Variants in KDM1A observed in about 807,000 individuals in gnomAD.
KDM1A encodes the protein lysine-specific histone demethylase 1A.
In KDM1A, 49 loss-of-function variants were observed where a neutral mutation model predicts 109.4. That is an observed-to-expected ratio of 0.45 (90% CI 0.36 to 0.57). The LOEUF (loss-of-function observed/expected upper bound fraction) is 0.57, where lower values mean the gene tolerates loss of function less well. Among genes scored for constraint, KDM1A ranks in the 20% least tolerant of loss-of-function variants. The pLI, the probability that KDM1A is intolerant of heterozygous loss-of-function variation, is 0.00. For synonymous variants in KDM1A, 380 were observed against 415.4 expected, an observed-to-expected ratio of 0.91 and a Z score of 1.04; for missense variants, 668 against 1,116.6, an observed-to-expected ratio of 0.60 and a Z score of 5.73.
intron 18 of KDM1A, chr1:23,081,055 C>T (rs1273384449): frequency 1.1e-5 from 2 of 178,762 alleles, no homozygotes; most frequent in East Asian, 3.1e-4. Flanking sequence ...CCTGGGATGG[C>T]TAAAAGGGAT....
intron 2 of KDM1A, among the ~76,000 whole-genome samples, chr1:23,041,888 A>G (rs1363007786): frequency 6.6e-6 from 1 of 152,038 alleles, no homozygotes; most frequent in Non-Finnish European, 1.5e-5. Flanking sequence ...TTTCTTCAAA[A>G]CCAGAAGACA....
At chr1:23,041,389 C>T (rs1239880481) in intron 2 of KDM1A, among the ~76,000 whole-genome samples, 1 of 131,124 alleles carries the variant, frequency 7.6e-6, no homozygotes. Flanking sequence ...TGCTTGGTTT[C>T]TTTCTACTCC....
intron 2 of KDM1A, among the ~76,000 whole-genome samples, chr1:23,036,405 A>G (rs1489125062): frequency 1.3e-5 from 2 of 152,020 alleles, no homozygotes; most frequent in African/African-American, 2.4e-5. Context: ...TATGATGCAT[A>G]CATTCAGAAA....
At chr1:23,073,453 T>C (rs750521574) in intron 15 of KDM1A, 50 bp downstream of exon 15, 4 of 975,456 alleles carry the variant, frequency 4.1e-6, no homozygotes, top group South Asian at 1.3e-5. Context: ...TGAGAGGGAT[T>C]GTAAGAGAAA....
intron 18 of KDM1A, 199 bp from the exon 19 acceptor site, chr1:23,081,247 G>C (rs918234360): frequency 1.8e-6 from 1 of 554,880 alleles, no homozygotes; most frequent in Non-Finnish European, 3.1e-6. Flanking sequence ...TAGTCTGCCA[G>C]CTCCTACTGG....
At chr1:23,037,488 A>G (rs1028753876) in intron 2 of KDM1A, among the ~76,000 whole-genome samples, 1 of 152,184 alleles carries the variant, frequency 6.6e-6, no homozygotes, top group African/African-American at 2.4e-5. Context: ...GTATAAATAC[A>G]TTGCAGAATG....
intron 2 of KDM1A, among the ~76,000 whole-genome samples, chr1:23,037,862 T>G (rs1642195232): frequency 6.6e-6 from 1 of 152,248 alleles, no homozygotes; most frequent in Admixed American, 6.5e-5. Flanking sequence ...GTACTTTTTA[T>G]TAAGGCAAAA....
intron 19 of KDM1A, 133 bp downstream of exon 19, chr1:23,081,706 GT>G: frequency 1.8e-6 from 2 of 1,106,322 alleles, no homozygotes; most frequent in Non-Finnish European, 2.6e-6. Context: ...AATAATTAAT[GT>G]TTGGAGTTCA....
intron 1 of KDM1A, among the ~76,000 whole-genome samples, chr1:23,026,001 GA>G (rs1641787957): frequency 6.6e-6 from 1 of 152,116 alleles, no homozygotes; most frequent in African/African-American, 2.4e-5. Flanking sequence ...TGAGGCAGGG[GA>G]ATCACTTGAG....
chr1:23,078,206 C>T (rs2124541687), intron 16 of KDM1A, among the ~76,000 whole-genome samples: 1 of 152,188 alleles, frequency 6.6e-6, no homozygotes, highest in African/African-American at 2.4e-5. Flanking sequence ...TTAATTTTCC[C>T]ATCAGAGGCA....
At chr1:23,042,562 C>T (rs1401969346) in intron 2 of KDM1A, among the ~76,000 whole-genome samples, 36 of 145,206 alleles carry the variant, frequency 2.5e-4, no homozygotes, top group African/African-American at 8.9e-4. Flanking sequence ...ACGCCATTCT[C>T]CTGCCTCAGC....
At chr1:23,034,028 C>CT (rs1300084359) in intron 2 of KDM1A, among the ~76,000 whole-genome samples, 1 of 152,084 alleles carries the variant, frequency 6.6e-6, no homozygotes, top group African/African-American at 2.4e-5. Context: ...TCTGATTGCA[C>CT]TTATATAATT....
At chr1:23,080,608 C>T (rs1383474904) in intron 18 of KDM1A, among the ~76,000 whole-genome samples, 1 of 152,114 alleles carries the variant, frequency 6.6e-6, no homozygotes, top group East Asian at 1.9e-4. Flanking sequence ...CCCCAGATTC[C>T]AGGCACATTC....
chr1:23,051,846 T>G (rs1642679249), intron 4 of KDM1A, among the ~76,000 whole-genome samples: 1 of 152,212 alleles, frequency 6.6e-6, no homozygotes, highest in Admixed American at 6.5e-5. Flanking sequence ...CACTGCTTAA[T>G]TTCGATTGTT....
intron 3 of KDM1A, among the ~76,000 whole-genome samples, chr1:23,047,414 T>A (rs1346147748): frequency 1.3e-5 from 2 of 152,190 alleles, no homozygotes; most frequent in Non-Finnish European, 1.5e-5. Flanking sequence ...AAGATAGAGA[T>A]GGAGAAGAAT....
intron 15 of KDM1A, among the ~76,000 whole-genome samples, chr1:23,073,705 T>C (rs2124524353): frequency 6.6e-6 from 1 of 152,358 alleles, no homozygotes; most frequent in Admixed American, 6.5e-5. Context: ...GTTATCACTG[T>C]AATTTTGTTT....
Position 23,057,551 on chromosome 1 carries a change from T to C in KDM1A, c.1058T>C (p.Val353Ala). The C allele has an allele frequency of 6.2e-7, 1 of 1,613,488 alleles. No homozygotes were observed. The highest frequency in any genetic ancestry group is 8.5e-7 in the Non-Finnish European group (1 of 1,179,504). Residue 353 changes from valine (V) to alanine (A), a missense_variant, in exon 8 of 21, where the codon GTG (valine) becomes GCG (alanine). Coordinates refer to ENST00000400181, the MANE Select transcript of KDM1A (RefSeq NM_001009999.3). Reference sequence around the variant, plus strand: ...TATGTAGCTGATCTTGGAGCCATGGTGGTAACAGGTCTTGGTAAGTAGCTA... The same window carrying C: ...TATGTAGCTGATCTTGGAGCCATGGCGGTAACAGGTCTTGGTAAGTAGCTA... ...GNYVADLGAMVVTGLGGNPMA... is the reference protein window; with the variant it reads ...GNYVADLGAMAVTGLGGNPMA...
In KDM1A at chr1:23,066,057, A is replaced by G. The variant is rs780955650; in HGVS notation, c.1168-3A>G. 3 of 1,604,902 alleles carry G rather than the reference A, an allele frequency of 1.9e-6. No homozygotes were observed. The highest frequency in any genetic ancestry group is 2.2e-5 in the South Asian group (2 of 90,682). ...TTTCTCTCTCTGCTGCACTGGTTAA[A>G]AGGACACTGTCAAGGTATTTTTTTC... On this transcript the variant is annotated splice_polypyrimidine_tract_variant and splice_region_variant and intron_variant, in intron 9 of 20. Coordinates refer to ENST00000400181, the MANE Select transcript of KDM1A (RefSeq NM_001009999.3).
At chr1:23,057,360 G>T in intron 7 of KDM1A, 124 bp from the exon 8 acceptor site, 2 of 694,318 alleles carry the variant, frequency 2.9e-6, no homozygotes, top group Non-Finnish European at 2.6e-6. Flanking sequence ...ACTGTTGATT[G>T]CATTCCATGT....
Sources: gnomAD v4.1 joint callset for allele counts (sites outside exome capture counted in the v4.1 genomes callset) on GRCh38, gnomAD v4.1.1 for gene constraint, MANE v1.5 for transcripts, NCBI Gene and HGNC (gene_info 2026-07-23, HGNC 2026-07-21) for gene names.